The following UTRN variants were observed in gnomAD, a reference collection of about 807,000 sequenced individuals.
UTRN encodes utrophin, also known as dystrophin-related protein 1.
Under a neutral mutation model 463.9 loss-of-function variants are expected in UTRN, and 283 were observed. The observed-to-expected ratio is 0.61, with a 90% confidence interval of 0.55 to 0.67. The LOEUF (loss-of-function observed/expected upper bound fraction) is 0.67, where lower values mean the gene tolerates loss of function less well. Ranked by LOEUF, UTRN falls within the 30% of genes least tolerant of loss-of-function variation. The pLI is 0.00. For synonymous variants in UTRN, 1,442 were observed against 1,431.5 expected (o/e 1.01, Z -0.17); for missense variants, 3,922 against 4,084.3 (o/e 0.96, Z 1.08).
intron 14 of UTRN, 80 bp from the exon 15 acceptor site, chr6:144,447,131 G>T (rs1584821092): frequency 4.5e-6 from 6 of 1,343,112 alleles, no homozygotes; most frequent in Non-Finnish European, 6.2e-6. Context: ...TAAAATAAAA[G>T]TTAGAAATTT....
At chr6:144,566,664 G>A (rs917683198) in intron 50 of UTRN, among the ~76,000 whole-genome samples, 7 of 152,092 alleles carry the variant, frequency 4.6e-5, no homozygotes, top group Non-Finnish European at 7.4e-5. Flanking sequence ...TATATACAGT[G>A]CCCCTGAACC....
In UTRN at chr6:144,408,070, C is replaced by T. The variant is rs536134197; in HGVS notation, c.141+4886C>T. On this transcript the variant is annotated intron_variant, in intron 3 of 74. Coordinates refer to ENST00000367545, the MANE Select transcript of UTRN (RefSeq NM_007124.3). The stretch of plus-strand genomic sequence containing the variant: ...TCGATCATTATTACCTTCCTTATAT[C>T]GTGAAGAAATATTGAGGCATTGCTG... Among the ~76,000 whole-genome samples, 11 of 152,252 alleles carry T rather than the reference C, an allele frequency of 7.2e-5. No individual in the cohort carries two copies. In the East Asian group the frequency reaches 1.4e-3, roughly 19 times the overall value.
Position 144,850,854 on chromosome 6 carries a change from T to C in UTRN, c.10294-135T>C, listed in dbSNP as rs1782433580. 4.2e-6 allele frequency: 5 copies of C among 1,190,500 alleles called. No individual in the cohort carries two copies. In the South Asian group the frequency reaches 6.2e-5, roughly 15 times the overall value. The allele number at this position is 1,190,500 out of a possible 1,614,324, so 73.7% of individuals were successfully genotyped here. The stretch of plus-strand genomic sequence containing the variant: ...TTCAGCATGAGAGGGAGGGACCTCA[T>C]TGCAGGAAGCAAAAGTCACAGTAGA... On this transcript the variant is annotated intron_variant, in intron 74 of 74. Transcript: ENST00000367545.
At chr6:144,356,111 T>C (rs1778523576) in intron 2 of UTRN, among the ~76,000 whole-genome samples, 1 of 152,254 alleles carries the variant, frequency 6.6e-6, no homozygotes, top group Non-Finnish European at 1.5e-5. Flanking sequence ...TTTCAAAGGC[T>C]AACATTCATT....
At chr6:144,819,874 GCCGCCT>G (rs1779412013) in intron 65 of UTRN, among the ~76,000 whole-genome samples, 1 of 117,800 alleles carries the variant, frequency 8.5e-6, no homozygotes, top group South Asian at 3.0e-4. Flanking sequence ...CTCCTCCTCC[GCCGCCT>G]CCTCCTCCTC....
chr6:144,484,161 G>A (rs1792179627), intron 27 of UTRN, among the ~76,000 whole-genome samples: 1 of 152,096 alleles, frequency 6.6e-6, no homozygotes, highest in Non-Finnish European at 1.5e-5. Context: ...CAACCCCTGG[G>A]TCCCTGCTCT....
At chr6:144,324,183 G>A (rs1361013191) in intron 2 of UTRN, among the ~76,000 whole-genome samples, 1 of 151,994 alleles carries the variant, frequency 6.6e-6, no homozygotes, top group Non-Finnish European at 1.5e-5. Flanking sequence ...TGAACTTTGA[G>A]CTTCTGTATT....
chr6:144,852,466 T>C lies in UTRN; in HGVS notation c.*1469T>C, dbSNP rs1485020647. 6.6e-6 allele frequency: 1 copy of C among 152,558 alleles called. No individual in the cohort carries two copies. The highest frequency in any genetic ancestry group is 1.5e-5 in the Non-Finnish European group (1 of 68,012). The allele number at this position is 152,558 out of a possible 1,614,324, so 9.5% of individuals were successfully genotyped here. A position where few individuals can be genotyped will look rare whatever the true frequency, so the allele number is the denominator to read the frequency against. On this transcript the variant is annotated 3_prime_UTR_variant, in exon 75 of 75. Transcript: ENST00000367545. ...AGCTGGGATCTGGCCAGAAGGAGGC[T>C]TAAAGTTAGAAATTGCTATTATTTT... is the stretch of plus-strand genomic sequence containing the variant.
At position 144,676,655 on chromosome 6, in the gene UTRN, C is replaced by T. The variant is rs148227378; in HGVS notation, c.7480-1751C>T. 2.6e-5 allele frequency among the ~76,000 whole-genome samples: 4 copies of T among 152,126 alleles called. No homozygotes were observed. In the East Asian group the frequency reaches 7.7e-4, roughly 29 times the overall value. ...CCCGTCATCTACATTAGGTATTTCT[C>T]CTAATGCTATCCCTTCCCTAGCCCC... On this transcript the variant is annotated intron_variant, in intron 51 of 74. Transcript: ENST00000367545.
intron 54 of UTRN, among the ~76,000 whole-genome samples, chr6:144,733,622 AT>A (rs773695776): frequency 7.2e-5 from 11 of 151,754 alleles, no homozygotes; most frequent in Non-Finnish European, 1.3e-4. Context: ...TCCTTGAATG[AT>A]TTTGGAACTG....
intron 2 of UTRN, among the ~76,000 whole-genome samples, chr6:144,371,031 TGTCCCCAGTCC>T: frequency 6.6e-6 from 1 of 152,214 alleles, no homozygotes; most frequent in East Asian, 1.9e-4. Context: ...CACCTAGCAC[TGTCCCCAGTCC>T]CCTGACTCAT....
intron 13 of UTRN, among the ~76,000 whole-genome samples, chr6:144,442,772 A>G (rs1787303935): frequency 1.3e-5 from 2 of 152,214 alleles, no homozygotes; most frequent in Non-Finnish European, 2.9e-5. Context: ...TGTGGTAGTT[A>G]TAATGCAAGA....
At chr6:144,641,392 A>G (rs558734202) in intron 51 of UTRN, among the ~76,000 whole-genome samples, 22 of 152,276 alleles carry the variant, frequency 1.4e-4, no homozygotes, top group African/African-American at 5.1e-4. Context: ...TGTGAAGACT[A>G]AAGTTTTATC....
intron 58 of UTRN, among the ~76,000 whole-genome samples, chr6:144,760,499 A>G (rs930516073): frequency 1.3e-5 from 2 of 152,186 alleles, no homozygotes; most frequent in African/African-American, 4.8e-5. Flanking sequence ...TATATAGCAA[A>G]TTCCCATTTT....
At chr6:144,758,019 A>G in intron 58 of UTRN, 30 bp downstream of exon 58, 1 of 1,574,092 alleles carries the variant, frequency 6.4e-7, no homozygotes, top group Non-Finnish European at 8.7e-7. Context: ...CCTTTATGAT[A>G]CCAAGAAAAT....
At chr6:144,477,068 G>A (rs935249469) in intron 25 of UTRN, among the ~76,000 whole-genome samples, 10 of 152,136 alleles carry the variant, frequency 6.6e-5, no homozygotes, top group Non-Finnish European at 1.5e-4. Context: ...GTGATTATGC[G>A]AGGATGAGAT....
intron 51 of UTRN, among the ~76,000 whole-genome samples, chr6:144,593,327 T>C (rs965025643): frequency 6.6e-6 from 1 of 152,152 alleles, no homozygotes; most frequent in Non-Finnish European, 1.5e-5. Context: ...CAATTTGCTT[T>C]AGGGATTTTA....
intron 2 of UTRN, among the ~76,000 whole-genome samples, chr6:144,358,501 G>A (rs1778768453): frequency 6.6e-6 from 1 of 152,254 alleles, no homozygotes; most frequent in African/African-American, 2.4e-5. Context: ...ACGTGAAACA[G>A]TTATGGCTTC....
rs4243475 is a variant in UTRN, at chr6:144,793,799, A to G, written c.8921-35A>G. On this transcript the variant is annotated intron_variant, in intron 62 of 74. Coordinates refer to ENST00000367545, the MANE Select transcript of UTRN (RefSeq NM_007124.3). Reference sequence around the variant, plus strand: ...TATTTTAAGTAAAAGAACATGGTAGACAGATGAAAGTTAACCTCTTGCCTC... The same window carrying G: ...TATTTTAAGTAAAAGAACATGGTAGGCAGATGAAAGTTAACCTCTTGCCTC... 0.46 allele frequency: 732,366 copies of G among 1,602,294 alleles called. 180,797 individuals are homozygous for G. Among genetic ancestry groups the G allele is most frequent in the East Asian group, 0.89 (39,696 of 44,510 alleles).
Sources: gnomAD v4.1 joint callset for allele counts (sites outside exome capture counted in the v4.1 genomes callset) on GRCh38, gnomAD v4.1.1 for gene constraint, MANE v1.5 for transcripts, NCBI Gene and HGNC (gene_info 2026-07-23, HGNC 2026-07-21) for gene names.